Variants in RUNDC3B observed in about 807,000 individuals in gnomAD.
RUNDC3B encodes the protein RUN domain-containing protein 3B.
RUNDC3B carries 33 observed loss-of-function variants against 58.4 expected under a neutral mutation model. That is an observed-to-expected ratio of 0.56 (90% CI 0.43 to 0.75). The LOEUF (loss-of-function observed/expected upper bound fraction) is 0.75. RUNDC3B is among the 30% of genes least tolerant of loss of function. The pLI is 0.00. For synonymous variants in RUNDC3B, 193 were observed against 195.2 expected, an observed-to-expected ratio of 0.99 and a Z score of 0.10; for missense variants, 501 against 535.7, an observed-to-expected ratio of 0.94 and a Z score of 0.64.
In RUNDC3B at chr7:87,820,136, G is replaced by A. The variant is rs1448653625; in HGVS notation, c.1225+3874G>A. 1.6e-4 allele frequency among the ~76,000 whole-genome samples: 24 copies of A among 152,134 alleles called. No individual in the cohort carries two copies. The East Asian group carries it at 3.9e-3, about 24-fold the overall frequency. ...AAAACATCAACAAAATCGTTAGACCGCTAGCAAGAATAATAAAGAAGAAAA... is the reference window on the plus strand; with the variant it reads ...AAAACATCAACAAAATCGTTAGACCACTAGCAAGAATAATAAAGAAGAAAA... On this transcript the variant is annotated intron_variant, in intron 10 of 10. Transcript: ENST00000394654.
chr7:87,745,513 T>C (rs1455467187), intron 6 of RUNDC3B, among the ~76,000 whole-genome samples: 1 of 144,986 alleles, frequency 6.9e-6, no homozygotes, highest in Non-Finnish European at 1.5e-5. Flanking sequence ...CTGTTCAGCG[T>C]ATCTAATTCT....
intron 1 of RUNDC3B, among the ~76,000 whole-genome samples, chr7:87,648,184 C>CAAAA (rs138383809): frequency 1.1e-4 from 7 of 65,182 alleles, no homozygotes; most frequent in South Asian, 5.6e-4. Context: ...GACTCTGTCT[C>CAAAA]AAAAAAAAAA....
chr7:87,778,924 T>G (rs904401166), intron 8 of RUNDC3B, among the ~76,000 whole-genome samples: 7 of 152,164 alleles, frequency 4.6e-5, no homozygotes, highest in Non-Finnish European at 1.0e-4. Flanking sequence ...TCAGAAAAAT[T>G]ATACGGACAG....
At chr7:87,631,461 G>C (rs1821213284) in intron 1 of RUNDC3B, among the ~76,000 whole-genome samples, 2 of 152,128 alleles carry the variant, frequency 1.3e-5, no homozygotes. Context: ...CGCGATCTCG[G>C]CTCACTGCAA....
intron 8 of RUNDC3B, among the ~76,000 whole-genome samples, chr7:87,789,697 C>T (rs532403860): frequency 6.6e-6 from 1 of 152,018 alleles, no homozygotes; most frequent in African/African-American, 2.4e-5. Context: ...ATGCCAAGCC[C>T]CAGAAGGATA....
At chr7:87,658,045 A>G (rs1824296043) in intron 2 of RUNDC3B, among the ~76,000 whole-genome samples, 1 of 152,204 alleles carries the variant, frequency 6.6e-6, no homozygotes, top group African/African-American at 2.4e-5. Flanking sequence ...AAGATCTCAG[A>G]TTGCATAATA....
chr7:87,810,145 A>T (rs1836633683), intron 9 of RUNDC3B, among the ~76,000 whole-genome samples: 2 of 152,178 alleles, frequency 1.3e-5, no homozygotes, highest in Non-Finnish European at 2.9e-5. Context: ...TTAGCCAAAG[A>T]CAATTTAAGA....
chr7:87,826,002 G>A (rs985485572), intron 10 of RUNDC3B, among the ~76,000 whole-genome samples: 23 of 152,162 alleles, frequency 1.5e-4, no homozygotes, highest in African/African-American at 5.3e-4. Flanking sequence ...TGTCTCAGAT[G>A]ACATTGGACT....
intron 10 of RUNDC3B, 93 bp downstream of exon 10, chr7:87,816,355 TC>T (rs1463776284): frequency 2.2e-6 from 2 of 898,176 alleles, no homozygotes; most frequent in African/African-American, 3.4e-5. Context: ...TAGTGACATC[TC>T]TGTTAATCAT....
At chr7:87,817,101 A>C (rs1401598904) in intron 10 of RUNDC3B, among the ~76,000 whole-genome samples, 1 of 152,178 alleles carries the variant, frequency 6.6e-6, no homozygotes, top group African/African-American at 2.4e-5. Flanking sequence ...CATTCCCTTA[A>C]GCCTCCAATT....
At chr7:87,634,496 G>C (rs1044890046) in intron 1 of RUNDC3B, among the ~76,000 whole-genome samples, 2 of 36,658 alleles carry the variant, frequency 5.5e-5, no homozygotes, top group Middle Eastern at 0.018. Context: ...GTGGGGGGTG[G>C]GGGGGGGGGC....
At chr7:87,702,782 T>C (rs1300774642) in intron 3 of RUNDC3B, among the ~76,000 whole-genome samples, 2 of 152,146 alleles carry the variant, frequency 1.3e-5, no homozygotes, top group Non-Finnish European at 2.9e-5. Flanking sequence ...ACTAAAACTT[T>C]TTGAGCATCA....
chr7:87,749,737 A>G (rs190500735), intron 6 of RUNDC3B, among the ~76,000 whole-genome samples: 2 of 152,230 alleles, frequency 1.3e-5, no homozygotes, highest in Non-Finnish European at 2.9e-5. Flanking sequence ...AAAATAAATA[A>G]AGATAGCGGA....
At chr7:87,724,823 A>G (rs908555017) in intron 4 of RUNDC3B, among the ~76,000 whole-genome samples, 1 of 152,054 alleles carries the variant, frequency 6.6e-6, no homozygotes, top group African/African-American at 2.4e-5. Context: ...TTAACACTCA[A>G]CATTAGATTA....
intron 1 of RUNDC3B, 124 bp downstream of exon 1, chr7:87,629,069 G>C: frequency 1.0e-6 from 1 of 967,620 alleles, no homozygotes; most frequent in Non-Finnish European, 1.4e-6. Context: ...CCTATGTTGC[G>C]CCAGCCAAAT....
chr7:87,664,123 A>G (rs910677755), intron 2 of RUNDC3B, among the ~76,000 whole-genome samples: 14 of 152,082 alleles, frequency 9.2e-5, no homozygotes, highest in Non-Finnish European at 2.1e-4. Context: ...GTGCACTTTG[A>G]GGAAAGACTC....
At chr7:87,723,104 A>G (rs1831004664) in intron 4 of RUNDC3B, among the ~76,000 whole-genome samples, 1 of 152,210 alleles carries the variant, frequency 6.6e-6, no homozygotes, top group Non-Finnish European at 1.5e-5. Flanking sequence ...AATATGAAAC[A>G]TAAAAGTAGG....
intron 8 of RUNDC3B, among the ~76,000 whole-genome samples, chr7:87,784,550 T>C (rs1353252327): frequency 6.6e-6 from 1 of 152,120 alleles, no homozygotes; most frequent in Non-Finnish European, 1.5e-5. Context: ...CATTGTGTGC[T>C]AAAGGAATTT....
rs749015394 is a variant in RUNDC3B at position 87,829,910 on chromosome 7, T to C, written c.1251T>C (p.Leu417=). 3 of 1,606,506 alleles carry C rather than the reference T, an allele frequency of 1.9e-6. No individual in the cohort carries two copies. Among genetic ancestry groups the C allele is most frequent in the Non-Finnish European group, 2.6e-6 (3 of 1,175,948 alleles). Residue 417 remains leucine (L), a synonymous_variant, in exon 11 of 11, where the codon CTT becomes CTC. Coordinates refer to ENST00000394654, the MANE Select transcript of RUNDC3B (RefSeq NM_001134405.2). ...GTAAGGAAGATACTCCCTCATTACT[T>C]GGCCTCTGTGGATCTCTAACGTCAG... ...SEGKEDTPSL[L]GLCGSLTSVA...
Sources: gnomAD v4.1 joint callset for allele counts (sites outside exome capture counted in the v4.1 genomes callset) on GRCh38, gnomAD v4.1.1 for gene constraint, MANE v1.5 for transcripts, NCBI Gene and HGNC (gene_info 2026-07-23, HGNC 2026-07-21) for gene names.